The following RNF180 variants were observed in gnomAD, a reference collection of about 807,000 sequenced individuals.
RNF180 encodes the protein ring finger protein 180.
Under a neutral mutation model 59.2 loss-of-function variants are expected in RNF180, and 38 were observed. The observed-to-expected ratio is 0.64, with a 90% CI of 0.50 to 0.84. The LOEUF (loss-of-function observed/expected upper bound fraction) is 0.84. Among genes scored for constraint, RNF180 ranks in the 40% least tolerant of loss-of-function variants. The probability of loss-of-function intolerance (pLI) is 0.00; values close to 1 mark genes in which losing one functional copy is unlikely to be tolerated. For synonymous variants in RNF180, 262 were observed against 240.3 expected, an observed-to-expected ratio of 1.09 and a Z score of -0.84; for missense variants, 705 against 700.9, an observed-to-expected ratio of 1.01 and a Z score of -0.07.
In RNF180 at chr5:64,369,825, C is replaced by T. The variant is rs1044949410; in HGVS notation, c.*11C>T. The T allele has an allele frequency of 4.3e-6, 6 of 1,395,740 alleles. No homozygotes were observed. Among genetic ancestry groups the T allele is most frequent in the South Asian group, 1.5e-5 (1 of 65,232 alleles). The allele number at this position is 1,395,740 out of a possible 1,614,324, so 86.5% of individuals were successfully genotyped here. ...TTCTTTCCGTTTTAGGAATTTCATA[C>T]CTTACTACAATTGACCAATCATAAA... On this transcript the variant is annotated 3_prime_UTR_variant, in exon 8 of 8. Coordinates refer to ENST00000389100, the MANE Select transcript of RNF180 (RefSeq NM_001113561.2).
intron 5 of RNF180, among the ~76,000 whole-genome samples, chr5:64,236,666 C>T (rs914786590): frequency 1.3e-5 from 2 of 152,112 alleles, no homozygotes; most frequent in Non-Finnish European, 2.9e-5. Flanking sequence ...CAGCCCCTCC[C>T]ATCACAGGCC....
intron 5 of RNF180, among the ~76,000 whole-genome samples, chr5:64,267,272 G>T (rs908469198): frequency 1.3e-5 from 2 of 151,960 alleles, no homozygotes; most frequent in Non-Finnish European, 2.9e-5. Context: ...GATTTTAAAT[G>T]CATAAAATAA....
At chr5:64,304,282 A>G (rs1394906159) in intron 5 of RNF180, among the ~76,000 whole-genome samples, 1 of 151,634 alleles carries the variant, frequency 6.6e-6, no homozygotes, top group Non-Finnish European at 1.5e-5. Flanking sequence ...TCAAGGAGTA[A>G]TTCTGACTTT....
At chr5:64,221,932 C>T (rs907076117) in intron 5 of RNF180, among the ~76,000 whole-genome samples, 14 of 152,130 alleles carry the variant, frequency 9.2e-5, no homozygotes, top group African/African-American at 3.1e-4. Flanking sequence ...AATATCAATA[C>T]ATTATTAATA....
intron 7 of RNF180, among the ~76,000 whole-genome samples, chr5:64,332,895 G>A (rs1385450379): frequency 6.6e-6 from 1 of 152,098 alleles, no homozygotes; most frequent in Non-Finnish European, 1.5e-5. Flanking sequence ...ACCAAAAGGA[G>A]GTTGGTCTTC....
chr5:64,232,493 G>A lies in RNF180; in HGVS notation c.1227+15097G>A, dbSNP rs540317971. Among the ~76,000 whole-genome samples the A allele has an allele frequency of 6.6e-5, 10 of 152,252 alleles. No homozygotes were observed. In the South Asian group the frequency reaches 2.1e-3, roughly 32 times the overall value. ...GTGACCAGACAATTTGTATAAGCAC[G>A]CTGGTTAATCCAAGTGTGTAGCCAG... is the stretch of plus-strand genomic sequence containing the variant. On this transcript the variant is annotated intron_variant, in intron 5 of 7. Transcript: ENST00000389100.
chr5:64,168,039 A>G (rs1213126293), intron 1 of RNF180, among the ~76,000 whole-genome samples: 1 of 152,166 alleles, frequency 6.6e-6, no homozygotes, highest in East Asian at 1.9e-4. Context: ...GGTCATTCCA[A>G]GTAGTCACCT....
intron 1 of RNF180, among the ~76,000 whole-genome samples, chr5:64,167,915 G>A (rs918279887): frequency 1.2e-4 from 19 of 152,088 alleles, no homozygotes; most frequent in African/African-American, 4.3e-4. Context: ...GTAATATCTC[G>A]AAAGTAGTTT....
At chr5:64,269,342 A>G (rs999238697) in intron 5 of RNF180, among the ~76,000 whole-genome samples, 11 of 152,032 alleles carry the variant, frequency 7.2e-5, no homozygotes, top group Admixed American at 5.9e-4. Context: ...GGCCCACGCA[A>G]TCTGTTGTAA....
intron 2 of RNF180, among the ~76,000 whole-genome samples, chr5:64,208,310 A>C (rs1752125655): frequency 6.6e-6 from 1 of 152,046 alleles, no homozygotes; most frequent in African/African-American, 2.4e-5. Context: ...TTTGAGACAG[A>C]AAGAAAATCT....
chr5:64,206,053 T>A (rs2112081856), intron 2 of RNF180, among the ~76,000 whole-genome samples: 1 of 152,306 alleles, frequency 6.6e-6, no homozygotes, highest in South Asian at 2.1e-4. Context: ...AGTGTGCAGA[T>A]TGTATACTGC....
At chr5:64,178,202 CAAAAAA>C (rs67465847) in intron 1 of RNF180, among the ~76,000 whole-genome samples, 1 of 86,826 alleles carries the variant, frequency 1.2e-5, no homozygotes, top group Non-Finnish European at 2.4e-5. Context: ...GACTCCATCT[CAAAAAA>C]AAAAAAAAAA....
intron 5 of RNF180, among the ~76,000 whole-genome samples, chr5:64,267,175 C>A (rs968674252): frequency 6.6e-6 from 1 of 151,914 alleles, no homozygotes; most frequent in Non-Finnish European, 1.5e-5. Context: ...AGAAATTTTT[C>A]GCCCAGACCA....
At chr5:64,317,161 T>C (rs968618793) in intron 5 of RNF180, among the ~76,000 whole-genome samples, 3 of 152,138 alleles carry the variant, frequency 2.0e-5, no homozygotes, top group Admixed American at 1.3e-4. Flanking sequence ...TGTGTGTGTG[T>C]GTACACACAC....
At chr5:64,238,013 T>C (rs901560299) in intron 5 of RNF180, among the ~76,000 whole-genome samples, 5 of 152,186 alleles carry the variant, frequency 3.3e-5, no homozygotes, top group African/African-American at 1.2e-4. Context: ...GTAGTATCTT[T>C]ATAGCAGTGT....
intron 5 of RNF180, among the ~76,000 whole-genome samples, chr5:64,267,500 C>T (rs1391362827): frequency 6.6e-6 from 1 of 151,758 alleles, no homozygotes; most frequent in Non-Finnish European, 1.5e-5. Flanking sequence ...TATCCCTCCC[C>T]ACTCCCCCCA....
At chr5:64,280,118 A>G (rs1741934404) in intron 5 of RNF180, among the ~76,000 whole-genome samples, 1 of 152,062 alleles carries the variant, frequency 6.6e-6, no homozygotes, top group Non-Finnish European at 1.5e-5. Flanking sequence ...GGCCATGTGT[A>G]TGTCTTCTTT....
At chr5:64,352,564 C>G (rs1323948773) in intron 7 of RNF180, among the ~76,000 whole-genome samples, 1 of 152,062 alleles carries the variant, frequency 6.6e-6, no homozygotes, top group African/African-American at 2.4e-5. Context: ...CCTCTACACA[C>G]TGCTTTAAAT....
At chr5:64,357,862 A>T (rs966187363) in intron 7 of RNF180, among the ~76,000 whole-genome samples, 1 of 151,884 alleles carries the variant, frequency 6.6e-6, no homozygotes, top group Non-Finnish European at 1.5e-5. Flanking sequence ...TCTGATGTAA[A>T]ATTATTTCTA....
Sources: allele counts gnomAD v4.1 joint callset (sites outside exome capture counted in the v4.1 genomes callset), GRCh38; gene constraint gnomAD v4.1.1; transcripts MANE v1.5; gene names NCBI Gene and HGNC (gene_info 2026-07-23, HGNC 2026-07-21).